Variants in WWP1 observed in about 807,000 individuals in gnomAD.
WWP1 encodes WW domain containing E3 ubiquitin protein ligase 1.
A neutral mutation model predicts 130.6 loss-of-function variants in WWP1; 49 were observed. The ratio of observed to expected loss-of-function variants is 0.38; its 90% CI spans 0.30 to 0.48. WWP1 has a LOEUF of 0.48. Ranked by LOEUF, WWP1 falls within the 20% of genes least tolerant of loss-of-function variation. The pLI, the probability that WWP1 is intolerant of heterozygous loss-of-function variation, is 0.99. For missense variants in WWP1, 809 were observed against 1,100.6 expected (o/e 0.74, Z 3.75); for synonymous variants, 332 against 367.8 (o/e 0.90, Z 1.11).
chr8:86,348,241 G>A (rs756896047), intron 1 of WWP1, among the ~76,000 whole-genome samples: 1 of 150,812 alleles, frequency 6.6e-6, no homozygotes, highest in Non-Finnish European at 1.5e-5. Flanking sequence ...TTTTTGAGAC[G>A]GAGTTTCCCT....
intron 3 of WWP1, among the ~76,000 whole-genome samples, chr8:86,377,574 A>C (rs192651877): frequency 1.1e-3 from 173 of 152,108 alleles, no homozygotes; most frequent in Non-Finnish European, 1.4e-3. Context: ...GATTGGCAGC[A>C]ACATGTAAGA....
chr8:86,415,373 A>G (rs906529290), intron 9 of WWP1, among the ~76,000 whole-genome samples: 4 of 152,174 alleles, frequency 2.6e-5, no homozygotes, highest in Admixed American at 6.5e-5. Flanking sequence ...AGATTTTACA[A>G]TTGACCCTTT....
intron 11 of WWP1, among the ~76,000 whole-genome samples, chr8:86,429,315 G>C (rs1216048014): frequency 6.6e-6 from 1 of 152,178 alleles, no homozygotes; most frequent in Non-Finnish European, 1.5e-5. Context: ...AGGGAAGGGG[G>C]AATGGAATGA....
intron 5 of WWP1, among the ~76,000 whole-genome samples, chr8:86,391,180 T>G (rs1447898240): frequency 2.6e-5 from 4 of 152,226 alleles, no homozygotes; most frequent in Non-Finnish European, 5.9e-5. Flanking sequence ...GTTCCACTTC[T>G]TCACATTTAA....
At chr8:86,418,820 T>G (rs1809033653) in intron 9 of WWP1, among the ~76,000 whole-genome samples, 1 of 152,114 alleles carries the variant, frequency 6.6e-6, no homozygotes, top group Admixed American at 6.5e-5. Context: ...AAAGTAAATT[T>G]TCAAATACAC....
intron 10 of WWP1, 70 bp from the exon 11 acceptor site, chr8:86,427,573 G>A (rs898901521): frequency 7.7e-6 from 11 of 1,433,454 alleles, no homozygotes; most frequent in African/African-American, 7.2e-5. Context: ...TTTAAATTGA[G>A]TGAAGTAATA....
rs2130310456 is a variant in WWP1, at chr8:86,373,429, G to A, written c.-21-601G>A. 3.9e-5 allele frequency among the ~76,000 whole-genome samples: 6 copies of A among 152,082 alleles called. 1 individual carries two copies. The Middle Eastern group carries it at 0.02, about 517-fold the overall frequency. ...ATGTGTTGAAATCACCCACAACAAT[G>A]GCCAATTTGTCAATTTCTTCCTGTA... On this transcript the variant is annotated intron_variant, in intron 2 of 24. Coordinates refer to ENST00000517970, the MANE Select transcript of WWP1 (RefSeq NM_007013.4).
At chr8:86,362,073 C>T (rs57831569) in intron 1 of WWP1, among the ~76,000 whole-genome samples, 8 of 83,488 alleles carry the variant, frequency 9.6e-5, no homozygotes, top group South Asian at 6.8e-4. Context: ...CATATATATA[C>T]ACATATATAC....
chr8:86,394,137 ATTGT>A (rs1178849561), intron 5 of WWP1, among the ~76,000 whole-genome samples: 3 of 152,328 alleles, frequency 2.0e-5, no homozygotes, highest in South Asian at 4.1e-4. Context: ...TAGATAATAC[ATTGT>A]TTGAGCAGTT....
At chr8:86,363,629 C>A (rs894864821) in intron 1 of WWP1, among the ~76,000 whole-genome samples, 3 of 151,820 alleles carry the variant, frequency 2.0e-5, no homozygotes, top group Non-Finnish European at 4.4e-5. Context: ...TGGTGAAACC[C>A]CGTCTCTACG....
rs148582063 is a variant in WWP1, at chr8:86,450,899, A to G, written c.2274-1660A>G. Reference sequence around the variant, plus strand: ...GAGTCAGGAAAGTTCTTCATAGGACATTATGTATTAGACTATGTCTTAAAA... The same window carrying G: ...GAGTCAGGAAAGTTCTTCATAGGACGTTATGTATTAGACTATGTCTTAAAA... On this transcript the variant is annotated intron_variant, in intron 20 of 24. Coordinates refer to ENST00000517970, the MANE Select transcript of WWP1 (RefSeq NM_007013.4). 1.8e-3 allele frequency among the ~76,000 whole-genome samples: 277 copies of G among 152,046 alleles called. 1 individual carries two copies. The highest frequency in any genetic ancestry group is 6.8e-3 in the Middle Eastern group (2 of 294).
chr8:86,354,970 T>C (rs556180137), intron 1 of WWP1, among the ~76,000 whole-genome samples: 1 of 152,258 alleles, frequency 6.6e-6, no homozygotes, highest in Admixed American at 6.5e-5. Flanking sequence ...CAATACTATA[T>C]TAATTTGGTG....
intron 9 of WWP1, among the ~76,000 whole-genome samples, chr8:86,421,633 G>C (rs1469607156): frequency 2.0e-5 from 3 of 152,030 alleles, no homozygotes; most frequent in Non-Finnish European, 4.4e-5. Context: ...GACCATTCTG[G>C]CTAACACGGT....
chr8:86,422,366 T>A (rs1210140668), intron 9 of WWP1, among the ~76,000 whole-genome samples: 1 of 149,574 alleles, frequency 6.7e-6, no homozygotes, highest in African/African-American at 2.5e-5. Context: ...TATTTATATT[T>A]TATTTTATAT....
chr8:86,378,744 A>G (rs1207730974), intron 3 of WWP1, among the ~76,000 whole-genome samples: 2 of 152,132 alleles, frequency 1.3e-5, no homozygotes, highest in East Asian at 1.9e-4. Flanking sequence ...ACCCTCTAGT[A>G]TTGTTGAGTA....
chr8:86,413,536 C>T lies in WWP1; in HGVS notation c.1061+1662C>T, dbSNP rs138101271. Among the ~76,000 whole-genome samples, 521 of 152,252 alleles carry T rather than the reference C, an allele frequency of 3.4e-3. 15 individuals carry two copies. In the East Asian group the frequency reaches 0.045, roughly 13 times the overall value. On this transcript the variant is annotated intron_variant, in intron 9 of 24. Coordinates refer to ENST00000517970, the MANE Select transcript of WWP1 (RefSeq NM_007013.4). ...CGCCGTTGACGTCAAAGAATACTTT[C>T]GAAAGCTATGACACGTCAGTGGATT...
At chr8:86,385,162 G>T (rs1290277270) in intron 5 of WWP1, among the ~76,000 whole-genome samples, 2 of 152,214 alleles carry the variant, frequency 1.3e-5, no homozygotes, top group Non-Finnish European at 2.9e-5. Flanking sequence ...TGAGGGGCAA[G>T]GTTATTGATA....
chr8:86,425,140 T>C, intron 9 of WWP1, 83 bp from the exon 10 acceptor site: 1 of 1,050,662 alleles, frequency 9.5e-7, no homozygotes, highest in East Asian at 2.5e-5. Flanking sequence ...TTATCTGTAA[T>C]TTTTCTGATT....
chr8:86,352,284 G>A (rs1287955247), intron 1 of WWP1, among the ~76,000 whole-genome samples: 2 of 151,868 alleles, frequency 1.3e-5, no homozygotes, highest in African/African-American at 4.8e-5. Context: ...GAGTGCAGTG[G>A]CGCTATCTCG....
Sources: gnomAD v4.1 joint callset for allele counts (sites outside exome capture counted in the v4.1 genomes callset) on GRCh38, gnomAD v4.1.1 for gene constraint, MANE v1.5 for transcripts, NCBI Gene and HGNC (gene_info 2026-07-23, HGNC 2026-07-21) for gene names.